The following NPRL3 variants were observed in gnomAD, a reference collection of about 807,000 sequenced individuals.
The protein encoded by NPRL3 is NPR3 like, GATOR1 complex subunit, also known as GATOR1 complex protein NPRL3.
NPRL3 carries 23 observed loss-of-function variants against 57.2 expected under a neutral mutation model. The ratio of observed to expected loss-of-function variants is 0.40; its 90% confidence interval spans 0.29 to 0.57. NPRL3 has a LOEUF of 0.57. NPRL3 is among the 20% of genes least tolerant of loss of function. NPRL3 has a pLI of 0.42. For missense variants in NPRL3, 691 were observed against 767.1 expected, an observed-to-expected ratio of 0.90 and a Z score of 1.17; for synonymous variants, 333 against 321.1, an observed-to-expected ratio of 1.04 and a Z score of -0.39.
intron 7 of NPRL3, among the ~76,000 whole-genome samples, chr16:106,622 CTTAAA>C (rs1175358381): frequency 1.8e-5 from 2 of 110,434 alleles, no homozygotes; most frequent in African/African-American, 7.0e-5. Flanking sequence ...GAGACCCTGC[CTTAAA>C]TTAAAAAAAA....
At chr16:89,924 G>A (rs1295190417) in intron 11 of NPRL3, 22 bp from the exon 12 acceptor site, 1 of 1,537,858 alleles carries the variant, frequency 6.5e-7, no homozygotes, top group East Asian at 2.5e-5. Context: ...AGCAGGTGAG[G>A]CTGGTCCCCC....
rs907071937 is a variant in NPRL3, at chr16:85,424, C to G, written c.*1281G>C. 2 of 1,609,386 alleles carry G rather than the reference C, an allele frequency of 1.2e-6. No individual in the cohort carries two copies. The highest frequency in any genetic ancestry group is 1.7e-6 in the Non-Finnish European group (2 of 1,177,890). On this transcript the variant is annotated 3_prime_UTR_variant, in exon 14 of 14. Transcript: ENST00000611875. ...AGGGGACGGGGCTTGCGTCTTGCTG[C>G]GAGCACTGGAGCCCCTGGAAGGTCT...
intron 3 of NPRL3, among the ~76,000 whole-genome samples, chr16:128,659 T>A (rs2141978323): frequency 6.6e-6 from 1 of 152,238 alleles, no homozygotes; most frequent in East Asian, 1.9e-4. Flanking sequence ...TCCCAGCTAC[T>A]CCGGAGGCTG....
intron 5 of NPRL3, among the ~76,000 whole-genome samples, chr16:113,297 AAG>A (rs1899896208): frequency 6.6e-6 from 1 of 152,186 alleles, no homozygotes; most frequent in Non-Finnish European, 1.5e-5. Flanking sequence ...ACGGTACAAA[AAG>A]AGAGGCACCA....
In NPRL3 at chr16:99,959, CAAAAAAAAAA is replaced by C. The variant is rs11304941; in HGVS notation, c.767+403_767+412del. 3.9e-3 allele frequency among the ~76,000 whole-genome samples: 237 copies of C among 61,028 alleles called. 1 individual carries two copies. The highest frequency in any genetic ancestry group is 0.011 in the African/African-American group (223 of 19,642). The allele number at this position is 61,028 out of a possible 152,430, so 40.0% of individuals were successfully genotyped here. A position where few individuals can be genotyped will look rare whatever the true frequency, so the allele number is the denominator to read the frequency against. On this transcript the variant is annotated intron_variant, in intron 8 of 13. Transcript: ENST00000611875. The stretch of plus-strand genomic sequence containing the variant: ...TCTCTCACACACACACACACCCCCG[CAAAAAAAAAA>C]AAAAAAAAGAAAAAGAAAAAAAAAA...
chr16:116,102 C>T (rs899112183), intron 5 of NPRL3, among the ~76,000 whole-genome samples: 3 of 152,122 alleles, frequency 2.0e-5, no homozygotes, highest in Non-Finnish European at 4.4e-5. Flanking sequence ...CACTACTCCC[C>T]GAGGTGAGGG....
intron 2 of NPRL3, among the ~76,000 whole-genome samples, chr16:137,247 C>G (rs1901139769): frequency 6.6e-6 from 1 of 152,020 alleles, no homozygotes; most frequent in Admixed American, 6.6e-5. Context: ...AAAACAAAAA[C>G]TGAACATTCA....
rs1331117963 is a variant in NPRL3, at chr16:89,899, G to T, written c.1165C>A (p.Gln389Lys). The change falls in exon 12 of 14, where the codon CAG (glutamine) becomes AAG (lysine). Residue 389 changes from glutamine (Q) to lysine (K), a missense_variant. Coordinates refer to ENST00000611875, the MANE Select transcript of NPRL3 (RefSeq NM_001077350.3). ...NPLAPAVQET[Q>K]LIQMVVWMLQ... is the part of the protein sequence containing the mutation. ...ATCCACACCACCATCTGGATGAGCT[G>T]GGTCTGCGGGTGGCAGCAGGTGAGG... 1.3e-6 allele frequency: 2 copies of T among 1,545,928 alleles called. No individual in the cohort carries two copies. Among genetic ancestry groups the T allele is most frequent in the Non-Finnish European group, 1.7e-6 (2 of 1,145,416 alleles).
At chr16:103,378 C>A (rs1056461397) in intron 7 of NPRL3, among the ~76,000 whole-genome samples, 1 of 138,724 alleles carries the variant, frequency 7.2e-6, no homozygotes, top group Admixed American at 7.9e-5. Flanking sequence ...TGGGCTCAAG[C>A]GATCCTCCCA....
intron 9 of NPRL3, among the ~76,000 whole-genome samples, chr16:97,410 A>ATTTTT (rs34410203): frequency 7.8e-5 from 9 of 115,070 alleles, no homozygotes; most frequent in South Asian, 5.9e-4. Flanking sequence ...ACACCCAGCT[A>ATTTTT]TTTTTTTTTT....
chr16:119,077 G>A (rs1900173195), intron 4 of NPRL3, 49 bp downstream of exon 4: 1 of 1,595,236 alleles, frequency 6.3e-7, no homozygotes, highest in Non-Finnish European at 8.5e-7. Flanking sequence ...TGCCCAAGGA[G>A]AGCCACATCT....
At chr16:88,249 C>T (rs1260645884) in intron 13 of NPRL3, among the ~76,000 whole-genome samples, 4 of 152,140 alleles carry the variant, frequency 2.6e-5, no homozygotes, top group Admixed American at 6.5e-5. Flanking sequence ...GGCGTGGTGG[C>T]GGGCGCCTGT....
rs2541622 is a variant in NPRL3, at chr16:86,259, A to G, written c.*446T>C. The G allele has an allele frequency of 0.86, 155,199 of 179,916 alleles. 67,209 individuals are homozygous for G. The highest frequency in any genetic ancestry group is 0.93 in the African/African-American group (39,558 of 42,564). The allele number at this position is 179,916 out of a possible 1,614,324, so 11.1% of individuals were successfully genotyped here. ...GGGGGCCACAGGGCACTTCACAAATAGAAGGCTGTCAGAGAGACAGGGACA... is the reference window on the plus strand; with the variant it reads ...GGGGGCCACAGGGCACTTCACAAATGGAAGGCTGTCAGAGAGACAGGGACA... On this transcript the variant is annotated 3_prime_UTR_variant, in exon 14 of 14. Transcript: ENST00000611875.
At position 86,566 on chromosome 16, in the gene NPRL3, G is replaced by C. The variant is rs1898478187; in HGVS notation, c.*139C>G. 1.2e-6 allele frequency: 1 copy of C among 846,114 alleles called. No homozygotes were observed. The allele number at this position is 846,114 out of a possible 1,614,324, so 52.4% of individuals were successfully genotyped here. ...CAGCGGGGCTCTGCAGGCTTCACTG[G>C]GCCACGGCCAGCCCGCATCCACCCA... On this transcript the variant is annotated 3_prime_UTR_variant, in exon 14 of 14. Coordinates refer to ENST00000611875, the MANE Select transcript of NPRL3 (RefSeq NM_001077350.3).
At chr16:112,831 C>T in intron 5 of NPRL3, 56 bp from the exon 6 acceptor site, 2 of 1,485,394 alleles carry the variant, frequency 1.3e-6, no homozygotes, top group South Asian at 2.7e-5. Flanking sequence ...CACAGCTGGA[C>T]ACAGTTTAAA....
At chr16:110,654 T>G (rs1899765614) in intron 6 of NPRL3, 48 bp from the exon 7 acceptor site, 1 of 1,480,824 alleles carries the variant, frequency 6.8e-7, no homozygotes, top group Non-Finnish European at 9.3e-7. Flanking sequence ...TTCAAGCGAT[T>G]CTCCTGCCTC....
intron 9 of NPRL3, among the ~76,000 whole-genome samples, chr16:96,648 CAAAAAAAAAAA>C (rs68086908): frequency 1.0e-5 from 1 of 100,280 alleles, no homozygotes; most frequent in East Asian, 2.7e-4. Flanking sequence ...CCGTCTCTAC[CAAAAAAAAAAA>C]AAAAAAAAAA....
Position 138,307 on chromosome 16 carries a change from GGAGGACGGAGCCGGAGGCGGAGGGGGCC to G in NPRL3, c.-67-1_-41del. On this transcript the variant is annotated splice_acceptor_variant and 5_prime_UTR_variant, in exon 2 of 14. Coordinates refer to ENST00000611875, the MANE Select transcript of NPRL3 (RefSeq NM_001077350.3). LOFTEE classifies it low-confidence loss of function (5UTR_SPLICE). Reference sequence around the variant, plus strand: ...GGGGCCGGGGGCGGAGGGGGCCAGAGGAGGACGGAGCCGGAGGCGGAGGGGGCCTGAGGAGGACGGAGCCGGAGGCGGA... The same window carrying G: ...GGGGCCGGGGGCGGAGGGGGCCAGAGTGAGGAGGACGGAGCCGGAGGCGGA... 1.1e-6 allele frequency: 1 copy of G among 946,228 alleles called. No individual in the cohort carries two copies. The allele number at this position is 946,228 out of a possible 1,614,324, so 58.6% of individuals were successfully genotyped here.
At chr16:129,772 T>A (rs756417453) in intron 3 of NPRL3, among the ~76,000 whole-genome samples, 1 of 152,148 alleles carries the variant, frequency 6.6e-6, no homozygotes, top group South Asian at 2.1e-4. Context: ...AGGCCCAGCA[T>A]AGGGATCTTA....
Sources: allele counts gnomAD v4.1 joint callset (sites outside exome capture counted in the v4.1 genomes callset), GRCh38; gene constraint gnomAD v4.1.1; transcripts MANE v1.5; gene names NCBI Gene and HGNC (gene_info 2026-07-23, HGNC 2026-07-21).